Variants in RNF8 observed in about 807,000 individuals in gnomAD.
RNF8 encodes ring finger protein 8, also known as E3 ubiquitin-protein ligase RNF8.
A neutral mutation model predicts 59.3 loss-of-function variants in RNF8; 8 were observed. The observed-to-expected ratio is 0.13, with a 90% CI of 0.08 to 0.24. RNF8 has a LOEUF of 0.24. Among genes scored for constraint, RNF8 ranks in the 10% least tolerant of loss-of-function variants. The pLI is 1.00. For synonymous variants in RNF8, 162 were observed against 200.0 expected (o/e 0.81, Z 1.60); for missense variants, 406 against 572.6 (o/e 0.71, Z 2.97).
intron 2 of RNF8, among the ~76,000 whole-genome samples, chr6:37,368,219 A>G (rs189757881): frequency 6.6e-6 from 1 of 152,326 alleles, no homozygotes; most frequent in East Asian, 1.9e-4. Context: ...GTGTTTGAGT[A>G]AATTATCCAC....
In RNF8 at chr6:37,377,377, G is replaced by A. The variant is rs188488840; in HGVS notation, c.1236+344G>A. On this transcript the variant is annotated intron_variant, in intron 6 of 7. Coordinates refer to ENST00000373479, the MANE Select transcript of RNF8 (RefSeq NM_003958.4). ...CAGGTGTGAGTCACCACACCCAGCC[G>A]ACCCCTTCTTATTCTCCCAACCCTG... Among the ~76,000 whole-genome samples the A allele has an allele frequency of 1.1e-3, 166 of 151,836 alleles. 2 individuals carry two copies. The highest frequency in any genetic ancestry group is 7.7e-4 in the Non-Finnish European group (52 of 67,874).
chr6:37,368,880 A>G lies in RNF8; in HGVS notation c.637A>G (p.Ser213Gly), dbSNP rs777985142. The G allele has an allele frequency of 2.5e-6, 4 of 1,614,044 alleles. No homozygotes were observed. Among genetic ancestry groups the G allele is most frequent in the Non-Finnish European group, 3.4e-6 (4 of 1,180,038 alleles). The part of the protein sequence containing the change: ...LDPKLTALEP[S>G]KTTGAPIYPG... ...TCCTAAGTTGACTGCCCTTGAGCCA[A>G]GTAAGACCACAGGGGCTCCCATTTA... is the stretch of plus-strand genomic sequence containing the variant. The change falls in exon 3 of 8, where the codon AGT (serine) becomes GGT (glycine). Residue 213 changes from serine (S) to glycine (G), a missense_variant. Ser to Gly is a moderately conservative substitution (Grantham distance 56). Coordinates refer to ENST00000373479, the MANE Select transcript of RNF8 (RefSeq NM_003958.4).
chr6:37,354,512 C>T (rs915671348), intron 1 of RNF8, among the ~76,000 whole-genome samples: 2 of 149,014 alleles, frequency 1.3e-5, no homozygotes, highest in African/African-American at 5.0e-5. Context: ...AAATAGGGGC[C>T]GAGTGGGAGA....
chr6:37,375,749 G>C (rs964703913), intron 5 of RNF8, among the ~76,000 whole-genome samples: 5 of 152,184 alleles, frequency 3.3e-5, no homozygotes, highest in African/African-American at 1.2e-4. Flanking sequence ...TTTGCTTTGA[G>C]TGGAAAAGAA....
At chr6:37,367,435 G>T (rs181667482) in intron 2 of RNF8, among the ~76,000 whole-genome samples, 3 of 152,020 alleles carry the variant, frequency 2.0e-5, no homozygotes, top group African/African-American at 7.3e-5. Context: ...ACAGAGTCTC[G>T]CTCTGTCACC....
intron 6 of RNF8, among the ~76,000 whole-genome samples, chr6:37,378,529 A>G (rs977123080): frequency 2.5e-4 from 36 of 141,626 alleles, no homozygotes; most frequent in Non-Finnish European, 6.0e-5. Context: ...TGAACCCAGG[A>G]GGCAGAGCTT....
chr6:37,367,490 G>A (rs1465611703), intron 2 of RNF8, among the ~76,000 whole-genome samples: 1 of 152,166 alleles, frequency 6.6e-6, no homozygotes, highest in Non-Finnish European at 1.5e-5. Context: ...GGCATCCTCT[G>A]CCGCCTGGGT....
intron 6 of RNF8, 104 bp from the exon 7 acceptor site, chr6:37,381,046 C>T: frequency 1.1e-6 from 1 of 934,146 alleles, no homozygotes; most frequent in South Asian, 1.4e-5. Flanking sequence ...GTTAATTTTC[C>T]ATTTGGCCTT....
At chr6:37,367,293 C>T (rs1279980272) in intron 2 of RNF8, among the ~76,000 whole-genome samples, 3 of 152,250 alleles carry the variant, frequency 2.0e-5, no homozygotes, top group African/African-American at 7.2e-5. Flanking sequence ...CAACATCACC[C>T]AGCTGCTAAA....
At chr6:37,377,070 T>TC in intron 6 of RNF8, 37 bp downstream of exon 6, 1 of 1,082,334 alleles carries the variant, frequency 9.2e-7, no homozygotes, top group Non-Finnish European at 1.3e-6. Context: ...TCTTTTTTTT[T>TC]TTTTTTTTTT....
chr6:37,370,573 A>T (rs195382), intron 3 of RNF8, among the ~76,000 whole-genome samples: 20,436 of 152,104 alleles, frequency 0.13, 4,090 homozygotes, highest in African/African-American at 0.43. Flanking sequence ...TGTGTATATG[A>T]TGCTCATAGT....
intron 6 of RNF8, 82 bp from the exon 7 acceptor site, chr6:37,381,068 C>T (rs1770240629): frequency 1.7e-6 from 2 of 1,192,886 alleles, no homozygotes; most frequent in African/African-American, 3.0e-5. Context: ...GAAATTCACT[C>T]CTGTCCTAAC....
chr6:37,365,046 G>A (rs373512871), intron 2 of RNF8, among the ~76,000 whole-genome samples: 1 of 152,166 alleles, frequency 6.6e-6, no homozygotes, highest in South Asian at 2.1e-4. Flanking sequence ...TAGGATTACA[G>A]GCGTGAGCCA....
At chr6:37,361,843 C>T (rs941913852) in intron 2 of RNF8, among the ~76,000 whole-genome samples, 1 of 152,172 alleles carries the variant, frequency 6.6e-6, no homozygotes, top group Non-Finnish European at 1.5e-5. Flanking sequence ...TAGCAAGGCA[C>T]CATGAGCAGG....
In RNF8 at chr6:37,383,037, A is replaced by G. The variant is rs138194794; in HGVS notation, c.1441+1683A>G. On this transcript the variant is annotated intron_variant, in intron 7 of 7. Coordinates refer to ENST00000373479, the MANE Select transcript of RNF8 (RefSeq NM_003958.4). ...TGTCCTAAGTTTACGTCTGACTCCT[A>G]TTACACAGAGTTAATTCTGCAGAGT... Among the ~76,000 whole-genome samples, 380 of 151,906 alleles carry G rather than the reference A, an allele frequency of 2.5e-3. 1 individual carries two copies. Among genetic ancestry groups the G allele is most frequent in the East Asian group, 8.5e-3 (44 of 5,170 alleles).
At chr6:37,380,436 C>T (rs535450450) in intron 6 of RNF8, among the ~76,000 whole-genome samples, 8 of 152,014 alleles carry the variant, frequency 5.3e-5, no homozygotes, top group Non-Finnish European at 7.4e-5. Context: ...TTTGGGAGGC[C>T]GAGGCGGGCA....
chr6:37,390,153 A>G (rs1770666561), intron 7 of RNF8, among the ~76,000 whole-genome samples: 1 of 152,224 alleles, frequency 6.6e-6, no homozygotes, highest in South Asian at 2.1e-4. Flanking sequence ...TTTCTTTAAC[A>G]TCTTTAACAG....
At chr6:37,372,297 C>A (rs1454024001) in intron 4 of RNF8, among the ~76,000 whole-genome samples, 1 of 152,062 alleles carries the variant, frequency 6.6e-6, no homozygotes, top group African/African-American at 2.4e-5. Flanking sequence ...GGAATTTATC[C>A]TTTTATCGTA....
chr6:37,390,641 C>G (rs1581704396), intron 7 of RNF8, 101 bp from the exon 8 acceptor site: 1 of 794,366 alleles, frequency 1.3e-6, no homozygotes. Context: ...GCTATGGCTG[C>G]TGTGTGAGGA....
Sources: allele counts gnomAD v4.1 joint callset (sites outside exome capture counted in the v4.1 genomes callset), GRCh38; gene constraint gnomAD v4.1.1; transcripts MANE v1.5; gene names NCBI Gene and HGNC (gene_info 2026-07-23, HGNC 2026-07-21).